Variants in FCRL1 observed in about 807,000 individuals in gnomAD.
FCRL1 encodes Fc receptor-like protein 1.
FCRL1 carries 34 observed loss-of-function variants against 49.2 expected under a neutral mutation model. That is an observed-to-expected ratio of 0.69 (90% CI 0.53 to 0.92). The LOEUF (loss-of-function observed/expected upper bound fraction) is 0.92, where lower values mean the gene tolerates loss of function less well. FCRL1 is among the 40% of genes least tolerant of loss of function. The probability of loss-of-function intolerance (pLI) is 0.00; values close to 1 mark genes in which losing one functional copy is unlikely to be tolerated. For synonymous variants in FCRL1, 218 were observed against 201.6 expected (o/e 1.08, Z -0.69); for missense variants, 524 against 524.1 (o/e 1.00, Z 0.00).
Position 157,794,730 on chromosome 1 carries a change from G to A in FCRL1, c.*1369C>T, listed in dbSNP as rs926114153. 1.3e-5 allele frequency: 2 copies of A among 152,088 alleles called. No individual in the cohort carries two copies. Among genetic ancestry groups the A allele is most frequent in the African/African-American group, 4.8e-5 (2 of 41,414 alleles). 9.4% of individuals were successfully genotyped at this position (152,088 alleles called of 1,614,324 possible). A position where few individuals can be genotyped will look rare whatever the true frequency, so the allele number is the denominator to read the frequency against. On this transcript the variant is annotated 3_prime_UTR_variant, in exon 11 of 11. Transcript: ENST00000368176. The stretch of plus-strand genomic sequence containing the variant: ...GATGAGAAGGATTAAAATATATTAT[G>A]ATAGTACTTAATGCCACTGAATTGT...
At chr1:157,797,662 C>T (rs1312712232) in intron 9 of FCRL1, 3 of 1,343,314 alleles carry the variant, frequency 2.2e-6, no homozygotes, top group Admixed American at 2.0e-5. Flanking sequence ...ACAGCCCATC[C>T]CCAGGGGAAA....
At chr1:157,814,733 G>A (rs185888453) in intron 1 of FCRL1, among the ~76,000 whole-genome samples, 13 of 151,912 alleles carry the variant, frequency 8.6e-5, no homozygotes, top group Admixed American at 2.0e-4. Context: ...AACTCTACCT[G>A]TAAGGACATA....
At chr1:157,800,182 T>C in intron 6 of FCRL1, 97 bp from the exon 7 acceptor site, 1 of 1,143,876 alleles carries the variant, frequency 8.7e-7, no homozygotes, top group Non-Finnish European at 1.3e-6. Flanking sequence ...ATATGCCTCA[T>C]GCTCAGATGC....
intron 3 of FCRL1, 69 bp from the exon 4 acceptor site, chr1:157,802,733 G>A: frequency 1.4e-6 from 2 of 1,479,946 alleles, no homozygotes; most frequent in Non-Finnish European, 1.8e-6. Flanking sequence ...AAGTAGATAT[G>A]ACGGTCCTGA....
At chr1:157,796,311 C>T (rs1266593280) in intron 10 of FCRL1, 141 bp from the exon 11 acceptor site, 2 of 682,732 alleles carry the variant, frequency 2.9e-6, no homozygotes, top group Non-Finnish European at 5.1e-6. Context: ...AAACTGTGGT[C>T]CAAGGCCAGC....
At chr1:157,796,297 T>C (rs1651461527) in intron 10 of FCRL1, 127 bp from the exon 11 acceptor site, 2 of 730,760 alleles carry the variant, frequency 2.7e-6, no homozygotes. Context: ...AAGGGCCTCT[T>C]GGAAAACTGT....
chr1:157,797,815 T>C, intron 9 of FCRL1, 53 bp downstream of exon 9: 1 of 1,613,730 alleles, frequency 6.2e-7, no homozygotes, highest in African/African-American at 1.3e-5. Flanking sequence ...GATTGTTCTC[T>C]TGGTTCTGGG....
rs562838577 is a variant in FCRL1, at chr1:157,801,170, G to T, written c.1003+291C>A. Among the ~76,000 whole-genome samples, 8 of 152,230 alleles carry T rather than the reference G, an allele frequency of 5.3e-5. No homozygotes were observed. In the East Asian group the frequency reaches 1.5e-3, roughly 29 times the overall value. ...CTCCAAAAGTGCTGGGATTACAGGC[G>T]TGAGCCACCGCCCCCGGCCAAATCA... On this transcript the variant is annotated intron_variant, in intron 6 of 10. Transcript: ENST00000368176.
chr1:157,819,888 T>G, intron 1 of FCRL1, 119 bp downstream of exon 1: 1 of 1,168,002 alleles, frequency 8.6e-7, no homozygotes, highest in Non-Finnish European at 1.3e-6. Flanking sequence ...AGTGGAGATC[T>G]GAGCACCCCT....
At chr1:157,798,586 C>T (rs996118876) in intron 7 of FCRL1, among the ~76,000 whole-genome samples, 1 of 151,568 alleles carries the variant, frequency 6.6e-6, no homozygotes, top group African/African-American at 2.4e-5. Flanking sequence ...GCAGAACAAG[C>T]AACTTGAGGA....
At chr1:157,805,101 T>C (rs1653206960) in intron 2 of FCRL1, among the ~76,000 whole-genome samples, 1 of 152,140 alleles carries the variant, frequency 6.6e-6, no homozygotes, top group South Asian at 2.1e-4. Flanking sequence ...GCTGAAGTGA[T>C]CCTACTGCCT....
Position 157,799,154 on chromosome 1 carries a change from C to A in FCRL1, c.1031+904G>T, listed in dbSNP as rs1018851195. On this transcript the variant is annotated intron_variant, in intron 7 of 10. Transcript: ENST00000368176. ...TAGCTGGGACTACAGGCGTGCATCACCACGTCCAGCTAATTTTTTGTATTT... is the reference window on the plus strand; with the variant it reads ...TAGCTGGGACTACAGGCGTGCATCAACACGTCCAGCTAATTTTTTGTATTT... Among the ~76,000 whole-genome samples, 9 of 152,126 alleles carry A rather than the reference C, an allele frequency of 5.9e-5. 1 individual carries two copies. The highest frequency in any genetic ancestry group is 1.0e-4 in the Non-Finnish European group (7 of 68,034).
intron 2 of FCRL1, among the ~76,000 whole-genome samples, chr1:157,805,668 G>C (rs1249860951): frequency 6.6e-6 from 1 of 152,184 alleles, no homozygotes; most frequent in African/African-American, 2.4e-5. Flanking sequence ...GGCCGAGCCT[G>C]GTGGATCACC....
At chr1:157,809,395 A>T (rs1241092473) in intron 1 of FCRL1, among the ~76,000 whole-genome samples, 7 of 152,340 alleles carry the variant, frequency 4.6e-5, no homozygotes, top group African/African-American at 1.7e-4. Flanking sequence ...ATTAATTTAA[A>T]AAAAAACCCT....
intron 10 of FCRL1, among the ~76,000 whole-genome samples, 186 bp from the exon 11 acceptor site, chr1:157,796,356 C>A (rs1330821366): frequency 6.6e-6 from 1 of 152,218 alleles, no homozygotes; most frequent in Non-Finnish European, 1.5e-5. Context: ...TGGTGGACTA[C>A]AAAGATGCTC....
At chr1:157,807,172 T>C (rs752621859) in intron 1 of FCRL1, 50 bp from the exon 2 acceptor site, 1 of 1,598,738 alleles carries the variant, frequency 6.3e-7, no homozygotes, top group Non-Finnish European at 8.5e-7. Context: ...ATCCCACAAA[T>C]CTCCAAAGTT....
chr1:157,803,476 C>T (rs1314896516), intron 3 of FCRL1, among the ~76,000 whole-genome samples: 3 of 152,178 alleles, frequency 2.0e-5, no homozygotes, highest in Non-Finnish European at 4.4e-5. Context: ...GTCCTTTATC[C>T]CCCTTCTCTG....
chr1:157,807,044 C>T lies in FCRL1; in HGVS notation c.52+58G>A, dbSNP rs866252912. The T allele has an allele frequency of 2.4e-5, 39 of 1,603,668 alleles. No homozygotes were observed. In the Middle Eastern group the frequency reaches 1.5e-3, roughly 62 times the overall value. Reference sequence around the variant, plus strand: ...GACAGCAATCTGCAGGCCTCCTGTGCTGACCTAAGTAACAAAATACCCACA... The same window carrying T: ...GACAGCAATCTGCAGGCCTCCTGTGTTGACCTAAGTAACAAAATACCCACA... On this transcript the variant is annotated intron_variant, in intron 2 of 10. Coordinates refer to ENST00000368176, the MANE Select transcript of FCRL1 (RefSeq NM_052938.5).
rs1418542987 is a variant in FCRL1, at chr1:157,803,895, G to A, written c.269C>T (p.Thr90Ile). 1 of 1,614,200 alleles carries A rather than the reference G, an allele frequency of 6.2e-7. No individual in the cohort carries two copies. The highest frequency in any genetic ancestry group is 8.5e-7 in the Non-Finnish European group (1 of 1,180,044). ...GCTCCTCAAGACTTTGGACGCCATT[G>A]TCTGTGCCTCGCACCAGTATGACCC... is the stretch of plus-strand genomic sequence containing the variant. ...DTGSYWCEAQ[T>I]MASKVLRSRR... is the part of the protein sequence containing the mutation. Residue 90 changes from threonine to isoleucine, a missense_variant, in exon 3 of 11, where the codon ACA (threonine) becomes ATA (isoleucine). Transcript: ENST00000368176.
Sources: gnomAD v4.1 joint callset for allele counts (sites outside exome capture counted in the v4.1 genomes callset) on GRCh38, gnomAD v4.1.1 for gene constraint, MANE v1.5 for transcripts, NCBI Gene and HGNC (gene_info 2026-07-23, HGNC 2026-07-21) for gene names.